The following DCLK1 variants were observed in gnomAD, a reference collection of about 807,000 sequenced individuals.
The protein encoded by DCLK1 is serine/threonine-protein kinase DCLK1.
Under a neutral mutation model 86.2 loss-of-function variants are expected in DCLK1, and 16 were observed. That is an observed-to-expected ratio of 0.19 (90% CI 0.13 to 0.28). DCLK1 has a LOEUF of 0.28. DCLK1 is among the 10% of genes least tolerant of loss of function. The pLI is 1.00. For synonymous variants in DCLK1, 369 were observed against 370.5 expected (o/e 1.00, Z 0.05); for missense variants, 590 against 940.2 (o/e 0.63, Z 4.87).
chr13:35,924,431 C>G (rs1875985880), intron 4 of DCLK1, among the ~76,000 whole-genome samples: 1 of 152,010 alleles, frequency 6.6e-6, no homozygotes, highest in Non-Finnish European at 1.5e-5. Flanking sequence ...AGGCAGATCG[C>G]CTGAAGTCAG....
chr13:36,014,782 T>TA (rs1388338323), intron 3 of DCLK1, among the ~76,000 whole-genome samples: 1 of 152,236 alleles, frequency 6.6e-6, no homozygotes, highest in Non-Finnish European at 1.5e-5. Flanking sequence ...GGTGTATATT[T>TA]AAAAAGAAAA....
At position 36,125,790 on chromosome 13, in the gene DCLK1, C is replaced by A; in HGVS notation, c.348G>T (p.Lys116Asn). 6.2e-7 allele frequency: 1 copy of A among 1,614,066 alleles called. No homozygotes were observed. The highest frequency in any genetic ancestry group is 1.3e-5 in the African/African-American group (1 of 75,046). Residue 116 changes from lysine (K) to asparagine (N), a missense_variant, in exon 2 of 17, where the codon AAG becomes AAT. Lys to Asn is a moderately conservative substitution (Grantham distance 94). Coordinates refer to ENST00000360631, the MANE Select transcript of DCLK1 (RefSeq NM_001330071.2). ...CCACCAGTTGGTCCAGGCTGGAAAT[C>A]TTCTTGAGCCCATCAATGGTGTAGA... ...RTIYTIDGLK[K>N]ISSLDQLVEG...
chr13:35,919,122 C>T (rs1875625184), intron 4 of DCLK1, among the ~76,000 whole-genome samples: 1 of 151,922 alleles, frequency 6.6e-6, no homozygotes, highest in Non-Finnish European at 1.5e-5. Context: ...GAACTCCTGA[C>T]CTCAAGTGAT....
chr13:35,886,921 C>A (rs957396736), intron 4 of DCLK1, among the ~76,000 whole-genome samples: 12 of 152,164 alleles, frequency 7.9e-5, no homozygotes, highest in African/African-American at 1.9e-4. Context: ...ACTACACTTG[C>A]TAGGAGCTTC....
At chr13:36,008,221 A>T (rs1391602444) in intron 3 of DCLK1, among the ~76,000 whole-genome samples, 1,210 of 9,082 alleles carry the variant, frequency 0.13, 16 homozygotes, top group African/African-American at 0.29. Flanking sequence ...TATTATTATT[A>T]TTATTATTTT....
At chr13:36,028,166 G>A (rs1882119226) in intron 3 of DCLK1, among the ~76,000 whole-genome samples, 1 of 152,162 alleles carries the variant, frequency 6.6e-6, no homozygotes, top group South Asian at 2.1e-4. Flanking sequence ...ATTTCTTGTG[G>A]ACTTAACTAC....
intron 3 of DCLK1, among the ~76,000 whole-genome samples, chr13:36,070,963 C>A (rs971427015): frequency 6.6e-6 from 1 of 152,018 alleles, no homozygotes; most frequent in African/African-American, 2.4e-5. Flanking sequence ...TATAAAGAGA[C>A]CTAGGAGACA....
At chr13:35,978,816 A>G (rs1039948786) in intron 3 of DCLK1, among the ~76,000 whole-genome samples, 16 of 152,218 alleles carry the variant, frequency 1.1e-4, no homozygotes, top group Non-Finnish European at 2.4e-4. Context: ...AAGATATTAC[A>G]AAATGACAAC....
chr13:36,076,052 ATCCT>A (rs1884201677), intron 3 of DCLK1, among the ~76,000 whole-genome samples: 1 of 152,138 alleles, frequency 6.6e-6, no homozygotes, highest in African/African-American at 2.4e-5. Flanking sequence ...TGTCTTCTTG[ATCCT>A]TCCTTCAATA....
chr13:35,941,025 AG>A (rs1877051608), intron 4 of DCLK1, among the ~76,000 whole-genome samples: 1 of 152,128 alleles, frequency 6.6e-6, no homozygotes, highest in Admixed American at 6.6e-5. Flanking sequence ...GTTACAACAC[AG>A]GAAAAAAATG....
chr13:36,047,793 A>G (rs1882972185), intron 3 of DCLK1, among the ~76,000 whole-genome samples: 1 of 152,184 alleles, frequency 6.6e-6, no homozygotes, highest in Non-Finnish European at 1.5e-5. Flanking sequence ...GAGCAATAGT[A>G]TATCAAATAC....
intron 3 of DCLK1, among the ~76,000 whole-genome samples, chr13:36,091,319 C>T (rs1366727767): frequency 6.6e-6 from 1 of 152,098 alleles, no homozygotes; most frequent in Admixed American, 6.5e-5. Flanking sequence ...TACTATGCAA[C>T]AAACCTGCAC....
intron 3 of DCLK1, among the ~76,000 whole-genome samples, chr13:36,083,990 C>T (rs1375482004): frequency 2.6e-5 from 4 of 152,060 alleles, no homozygotes; most frequent in Non-Finnish European, 4.4e-5. Flanking sequence ...TAATAGAAAT[C>T]GGTCAAATTG....
intron 5 of DCLK1, among the ~76,000 whole-genome samples, chr13:35,854,962 C>T (rs1870941689): frequency 6.6e-6 from 1 of 152,184 alleles, no homozygotes; most frequent in Non-Finnish European, 1.5e-5. Flanking sequence ...CCTAGTACTA[C>T]CCAGCAGGAA....
chr13:36,000,248 G>C (rs1209675475), intron 3 of DCLK1, among the ~76,000 whole-genome samples: 2 of 152,100 alleles, frequency 1.3e-5, no homozygotes, highest in Non-Finnish European at 2.9e-5. Flanking sequence ...ACTCTCTACT[G>C]TCATTTTTTC....
intron 3 of DCLK1, among the ~76,000 whole-genome samples, chr13:36,097,733 C>T (rs1459190618): frequency 6.6e-6 from 1 of 151,990 alleles, no homozygotes; most frequent in African/African-American, 2.4e-5. Flanking sequence ...GTATATTAAT[C>T]TCAATGTGTT....
chr13:35,876,849 G>A (rs1296033395), intron 4 of DCLK1, among the ~76,000 whole-genome samples: 2 of 152,102 alleles, frequency 1.3e-5, no homozygotes, highest in Admixed American at 6.6e-5. Context: ...TCCTTTGGTG[G>A]TGGAGAAACT....
At chr13:36,112,598 G>T (rs1038385838) in intron 2 of DCLK1, among the ~76,000 whole-genome samples, 9 of 152,128 alleles carry the variant, frequency 5.9e-5, no homozygotes, top group African/African-American at 1.9e-4. Flanking sequence ...ACCTCCATTT[G>T]CTACCTGAGA....
intron 6 of DCLK1, chr13:35,847,641 AAGAAAG>A (rs1870294555): frequency 1.1e-6 from 1 of 926,204 alleles, no homozygotes; most frequent in African/African-American, 1.8e-5. Flanking sequence ...GAAAGAAAGA[AAGAAAG>A]AAAGAAAGAA....
Sources: gnomAD v4.1 joint callset for allele counts (sites outside exome capture counted in the v4.1 genomes callset) on GRCh38, gnomAD v4.1.1 for gene constraint, MANE v1.5 for transcripts, NCBI Gene and HGNC (gene_info 2026-07-23, HGNC 2026-07-21) for gene names.